PPARG: variants seen among roughly 807,000 people sequenced by gnomAD.
PPARG encodes the protein peroxisome proliferator-activated receptor gamma.
A neutral mutation model predicts 39.2 loss-of-function variants in PPARG; 17 were observed. The ratio of observed to expected loss-of-function variants is 0.43; its 90% confidence interval spans 0.30 to 0.65. PPARG has a LOEUF of 0.65. Ranked by LOEUF, PPARG falls within the 30% of genes least tolerant of loss-of-function variation. PPARG has a pLI of 0.13. For synonymous variants in PPARG, 223 were observed against 215.7 expected (o/e 1.03, Z -0.30); for missense variants, 406 against 585.9 (o/e 0.69, Z 3.17).
intron 1 of PPARG, among the ~76,000 whole-genome samples, chr3:12,312,029 G>A (rs149047379): frequency 4.9e-4 from 75 of 152,348 alleles, no homozygotes; most frequent in Non-Finnish European, 9.0e-4. Context: ...TGCAGTAATA[G>A]AGGTATCGTC....
intron 2 of PPARG, among the ~76,000 whole-genome samples, chr3:12,371,374 T>A (rs1474621956): frequency 6.6e-6 from 1 of 152,208 alleles, no homozygotes; most frequent in Non-Finnish European, 1.5e-5. Flanking sequence ...ATATCTGTAC[T>A]TACTATGTAA....
At chr3:12,349,553 A>C (rs2125089067) in intron 2 of PPARG, among the ~76,000 whole-genome samples, 1 of 152,316 alleles carries the variant, frequency 6.6e-6, no homozygotes, top group South Asian at 2.1e-4. Context: ...GTTTATTAAA[A>C]TTGTAGTTTT....
chr3:12,427,377 CAGGCA>C (rs1430142134), intron 7 of PPARG, among the ~76,000 whole-genome samples: 2 of 152,202 alleles, frequency 1.3e-5, no homozygotes, highest in Non-Finnish European at 2.9e-5. Context: ...GTGTCTGCAT[CAGGCA>C]TTATTTTTCT....
rs115661347 is a variant in PPARG at position 12,297,324 on chromosome 3, A to C, written c.-83+8190A>C. On this transcript the variant is annotated intron_variant, in intron 1 of 7. Coordinates refer to ENST00000651735, the MANE Select transcript of PPARG (RefSeq NM_138711.6). ...TTACAAAAATGTATGTATATGAAAA[A>C]GTCTGGAAGAGAATATACAAAAGTG... Among the ~76,000 whole-genome samples the C allele has an allele frequency of 1.2e-4, 18 of 152,336 alleles. No homozygotes were observed. In the East Asian group the frequency reaches 3.3e-3, roughly 28 times the overall value.
intron 5 of PPARG, among the ~76,000 whole-genome samples, chr3:12,396,444 A>T (rs1462481395): frequency 1.3e-5 from 2 of 152,110 alleles, no homozygotes; most frequent in East Asian, 3.9e-4. Context: ...TTTTAATAAA[A>T]TTATTTAGTC....
At chr3:12,369,346 G>T (rs1294497612) in intron 2 of PPARG, among the ~76,000 whole-genome samples, 1 of 152,062 alleles carries the variant, frequency 6.6e-6, no homozygotes, top group Admixed American at 6.6e-5. Flanking sequence ...ACAAAAATTA[G>T]CCAGCAGTGG....
At chr3:12,352,000 G>C (rs1284406165) in intron 2 of PPARG, among the ~76,000 whole-genome samples, 2 of 152,110 alleles carry the variant, frequency 1.3e-5, no homozygotes, top group African/African-American at 4.8e-5. Flanking sequence ...GAATACATAA[G>C]GGCTTTTTAG....
intron 1 of PPARG, among the ~76,000 whole-genome samples, chr3:12,308,343 CAAAAAAAAAAAAAAA>C (rs57225468): frequency 2.7e-5 from 1 of 37,286 alleles, no homozygotes; most frequent in Non-Finnish European, 4.7e-5. Flanking sequence ...GACCCTGTCT[CAAAAAAAAAAAAAAA>C]AAAAAAAAAA....
intron 7 of PPARG, among the ~76,000 whole-genome samples, chr3:12,419,374 A>G (rs1438269626): frequency 1.3e-5 from 2 of 152,208 alleles, no homozygotes; most frequent in African/African-American, 4.8e-5. Context: ...ATGAGATTCC[A>G]GTATATAAGA....
intron 7 of PPARG, among the ~76,000 whole-genome samples, chr3:12,429,362 G>A (rs1575158130): frequency 1.3e-5 from 2 of 152,104 alleles, no homozygotes; most frequent in Admixed American, 6.5e-5. Context: ...TATGATAAAC[G>A]GGACCTAGTA....
intron 5 of PPARG, among the ~76,000 whole-genome samples, chr3:12,395,893 C>T (rs928153915): frequency 2.0e-5 from 3 of 152,184 alleles, no homozygotes; most frequent in African/African-American, 4.8e-5. Context: ...CTAGGCCACT[C>T]AGCGGTGTAT....
chr3:12,291,713 CAG>C (rs1179167941), intron 1 of PPARG, among the ~76,000 whole-genome samples: 1 of 152,138 alleles, frequency 6.6e-6, no homozygotes, highest in African/African-American at 2.4e-5. Flanking sequence ...TTTGTAAAAA[CAG>C]ATTTACATAT....
intron 5 of PPARG, among the ~76,000 whole-genome samples, chr3:12,401,133 A>G (rs1196234478): frequency 6.6e-6 from 1 of 152,154 alleles, no homozygotes; most frequent in East Asian, 1.9e-4. Context: ...TTCATCTTCT[A>G]TTTCTAAGGT....
intron 5 of PPARG, among the ~76,000 whole-genome samples, chr3:12,395,066 G>A (rs1257035133): frequency 1.3e-5 from 2 of 152,196 alleles, no homozygotes; most frequent in Non-Finnish European, 2.9e-5. Flanking sequence ...CAGCTTTGAA[G>A]GAGGCTTCTG....
At chr3:12,413,608 A>G (rs1225725642) in intron 6 of PPARG, among the ~76,000 whole-genome samples, 1 of 151,928 alleles carries the variant, frequency 6.6e-6, no homozygotes, top group Non-Finnish European at 1.5e-5. Context: ...CAGGAGTTCA[A>G]GACCAGCCTG....
intron 6 of PPARG, among the ~76,000 whole-genome samples, chr3:12,413,498 T>G (rs941275959): frequency 1.3e-5 from 2 of 152,250 alleles, no homozygotes; most frequent in East Asian, 3.9e-4. Flanking sequence ...TTCTTCAGAA[T>G]GCAGAAAGGA....
intron 7 of PPARG, among the ~76,000 whole-genome samples, chr3:12,419,467 C>A (rs1406695430): frequency 6.6e-6 from 1 of 151,760 alleles, no homozygotes; most frequent in Non-Finnish European, 1.5e-5. Context: ...TTTTATTTTA[C>A]TTCATTTTAT....
intron 2 of PPARG, among the ~76,000 whole-genome samples, chr3:12,332,600 G>A (rs1157934195): frequency 6.6e-6 from 1 of 152,030 alleles, no homozygotes; most frequent in Non-Finnish European, 1.5e-5. Flanking sequence ...AGAGGCCTAG[G>A]TATATCAGTA....
At chr3:12,322,883 C>T (rs1172209535) in intron 2 of PPARG, among the ~76,000 whole-genome samples, 2 of 152,062 alleles carry the variant, frequency 1.3e-5, no homozygotes, top group South Asian at 2.1e-4. Context: ...CTCACTGCAA[C>T]CTCAACCTCC....
Sources: gnomAD v4.1 joint callset for allele counts (sites outside exome capture counted in the v4.1 genomes callset) on GRCh38, gnomAD v4.1.1 for gene constraint, MANE v1.5 for transcripts, NCBI Gene and HGNC (gene_info 2026-07-23, HGNC 2026-07-21) for gene names.